Variants in SLC4A10 observed in about 807,000 individuals in gnomAD.
SLC4A10 encodes sodium-driven chloride bicarbonate exchanger.
SLC4A10 carries 42 observed loss-of-function variants against 137.7 expected under a neutral mutation model. The ratio of observed to expected loss-of-function variants is 0.30; its 90% CI spans 0.24 to 0.39. The LOEUF (loss-of-function observed/expected upper bound fraction) is 0.39, where lower values mean the gene tolerates loss of function less well. SLC4A10 is among the 10% of genes least tolerant of loss of function. SLC4A10 has a pLI of 1.00. For synonymous variants in SLC4A10, 474 were observed against 464.1 expected (o/e 1.02, Z -0.27); for missense variants, 925 against 1,355.0 (o/e 0.68, Z 4.98).
intron 1 of SLC4A10, among the ~76,000 whole-genome samples, chr2:161,729,851 G>A (rs2046646562): frequency 6.6e-6 from 1 of 152,224 alleles, no homozygotes; most frequent in East Asian, 1.9e-4. Flanking sequence ...AGGATGAGAA[G>A]TGACTTATTT....
At chr2:161,794,178 C>T (rs561496667) in intron 2 of SLC4A10, among the ~76,000 whole-genome samples, 2 of 152,138 alleles carry the variant, frequency 1.3e-5, no homozygotes, top group African/African-American at 4.8e-5. Context: ...CTCTAGTGGC[C>T]TTCTGTCCTC....
At chr2:161,764,375 G>A (rs1350123451) in intron 1 of SLC4A10, among the ~76,000 whole-genome samples, 1 of 152,040 alleles carries the variant, frequency 6.6e-6, no homozygotes, top group East Asian at 1.9e-4. Flanking sequence ...AATGAAAGTG[G>A]AGGTTTATTG....
At chr2:161,832,941 C>T in intron 3 of SLC4A10, among the ~76,000 whole-genome samples, 1 of 152,104 alleles carries the variant, frequency 6.6e-6, no homozygotes, top group Non-Finnish European at 1.5e-5. Flanking sequence ...GGGGTTTCAC[C>T]GTGTTAGCCA....
intron 1 of SLC4A10, among the ~76,000 whole-genome samples, chr2:161,640,030 T>G (rs1014208309): frequency 7.2e-5 from 11 of 152,182 alleles, no homozygotes; most frequent in African/African-American, 2.7e-4. Context: ...TAATAGCTCA[T>G]GGTGACTATT....
intron 1 of SLC4A10, among the ~76,000 whole-genome samples, chr2:161,726,590 C>G (rs1212697854): frequency 6.6e-6 from 1 of 152,098 alleles, no homozygotes; most frequent in Non-Finnish European, 1.5e-5. Context: ...AGTGACACAA[C>G]CTGAAAAGGC....
chr2:161,937,504 T>A (rs964869304), intron 15 of SLC4A10, among the ~76,000 whole-genome samples: 3 of 152,196 alleles, frequency 2.0e-5, no homozygotes, highest in African/African-American at 7.2e-5. Context: ...CTCTTTTAGA[T>A]CTCAGTTTTC....
At chr2:161,849,281 A>G (rs1042000433) in intron 4 of SLC4A10, among the ~76,000 whole-genome samples, 1 of 152,148 alleles carries the variant, frequency 6.6e-6, no homozygotes, top group Admixed American at 6.6e-5. Flanking sequence ...GAAGTTGTTT[A>G]GCAGATCTAG....
intron 21 of SLC4A10, among the ~76,000 whole-genome samples, chr2:161,963,442 TAG>T (rs757057253): frequency 3.3e-5 from 5 of 152,162 alleles, no homozygotes; most frequent in Non-Finnish European, 2.9e-5. Context: ...AGAAATTAAA[TAG>T]AGTTAACAAA....
chr2:161,652,344 T>A (rs71424705), intron 1 of SLC4A10, among the ~76,000 whole-genome samples: 1 of 152,262 alleles, frequency 6.6e-6, no homozygotes, highest in Non-Finnish European at 1.5e-5. Context: ...TTTATTTTCT[T>A]GCTCAAATTG....
intron 23 of SLC4A10, among the ~76,000 whole-genome samples, chr2:161,967,769 C>T (rs546189378): frequency 4.6e-5 from 7 of 151,992 alleles, no homozygotes; most frequent in Non-Finnish European, 1.0e-4. Context: ...CCAGATATTG[C>T]CATAGGAATT....
At chr2:161,670,508 A>G (rs2039569674) in intron 1 of SLC4A10, among the ~76,000 whole-genome samples, 2 of 151,954 alleles carry the variant, frequency 1.3e-5, no homozygotes, top group Admixed American at 6.6e-5. Context: ...TCAGGTTTTG[A>G]GTCCTTTCTG....
intron 15 of SLC4A10, among the ~76,000 whole-genome samples, chr2:161,927,177 C>T (rs1003581028): frequency 3.9e-5 from 6 of 152,152 alleles, no homozygotes; most frequent in African/African-American, 7.2e-5. Flanking sequence ...TCCATTCTCC[C>T]GGTCACTTTC....
intron 15 of SLC4A10, among the ~76,000 whole-genome samples, chr2:161,931,813 A>G (rs916519083): frequency 6.6e-6 from 1 of 152,210 alleles, no homozygotes; most frequent in Non-Finnish European, 1.5e-5. Flanking sequence ...TACCGTTGGC[A>G]GTAATATAAA....
chr2:161,712,030 G>A (rs977064563), intron 1 of SLC4A10, among the ~76,000 whole-genome samples: 3 of 151,868 alleles, frequency 2.0e-5, no homozygotes, highest in Non-Finnish European at 4.4e-5. Context: ...TCATCATGCA[G>A]TTTAGTTTTG....
At chr2:161,693,230 T>C (rs1015243478) in intron 1 of SLC4A10, among the ~76,000 whole-genome samples, 4 of 152,112 alleles carry the variant, frequency 2.6e-5, no homozygotes, top group African/African-American at 9.6e-5. Flanking sequence ...TATTGTTCTA[T>C]ACAGTTTGGG....
intron 3 of SLC4A10, among the ~76,000 whole-genome samples, chr2:161,811,272 CTAG>C (rs1354877737): frequency 2.6e-5 from 4 of 151,802 alleles, no homozygotes; most frequent in Admixed American, 2.6e-4. Context: ...GTTAATCTAA[CTAG>C]TAGTCTATCA....
intron 21 of SLC4A10, 123 bp from the exon 22 acceptor site, chr2:161,964,012 T>G (rs1697169079): frequency 1.5e-6 from 1 of 682,518 alleles, no homozygotes; most frequent in African/African-American, 1.8e-5. Flanking sequence ...TGCCGAGATA[T>G]CAACTTAGTG....
chr2:161,933,288 T>C (rs949510342), intron 15 of SLC4A10, among the ~76,000 whole-genome samples: 15 of 150,606 alleles, frequency 1.0e-4, no homozygotes, highest in Non-Finnish European at 2.2e-4. Context: ...TTTTTCTTTC[T>C]CTTTCTTTGT....
At chr2:161,754,712 G>T (rs977220661) in intron 1 of SLC4A10, among the ~76,000 whole-genome samples, 8 of 152,008 alleles carry the variant, frequency 5.3e-5, no homozygotes, top group African/African-American at 1.9e-4. Context: ...AGATATATAT[G>T]CAATGCATTT....
Sources: gnomAD v4.1 joint callset for allele counts (sites outside exome capture counted in the v4.1 genomes callset) on GRCh38, gnomAD v4.1.1 for gene constraint, MANE v1.5 for transcripts, NCBI Gene and HGNC (gene_info 2026-07-23, HGNC 2026-07-21) for gene names.